ANO1: variants seen among roughly 807,000 people sequenced by gnomAD.
ANO1 encodes anoctamin 1, also known as anoctamin-1.
A neutral mutation model predicts 124.0 loss-of-function variants in ANO1; 59 were observed. The observed-to-expected ratio is 0.48, with a 90% CI of 0.39 to 0.59. ANO1 has a LOEUF of 0.59. ANO1 is among the 20% of genes least tolerant of loss of function. The pLI is 0.00. For missense variants in ANO1, 1,059 were observed against 1,328.0 expected (o/e 0.80, Z 3.15); for synonymous variants, 529 against 532.0 (o/e 0.99, Z 0.08).
intron 1 of ANO1, among the ~76,000 whole-genome samples, chr11:70,026,154 T>C (rs1156849755): frequency 1.3e-5 from 2 of 150,842 alleles, no homozygotes; most frequent in Admixed American, 6.6e-5. Flanking sequence ...ACAGTGATGA[T>C]GATGATGGTG....
intron 1 of ANO1, among the ~76,000 whole-genome samples, chr11:70,042,427 A>G (rs1367191604): frequency 2.0e-5 from 3 of 152,198 alleles, no homozygotes; most frequent in African/African-American, 7.2e-5. Flanking sequence ...CCAAAAAGTT[A>G]AAGTGTGTGA....
chr11:70,158,280 C>T (rs1280371430), intron 16 of ANO1, among the ~76,000 whole-genome samples: 2 of 152,204 alleles, frequency 1.3e-5, no homozygotes, highest in Non-Finnish European at 2.9e-5. Context: ...CCATCACCCC[C>T]CAAGTACTCG....
intron 10 of ANO1, among the ~76,000 whole-genome samples, chr11:70,126,828 C>T (rs2046534231): frequency 1.6e-5 from 2 of 128,764 alleles, no homozygotes; most frequent in African/African-American, 6.0e-5. Flanking sequence ...GGCTGGTGCT[C>T]CCAGGAGGTG....
At chr11:70,174,310 C>A (rs938745685) in intron 22 of ANO1, among the ~76,000 whole-genome samples, 1 of 151,246 alleles carries the variant, frequency 6.6e-6, no homozygotes, top group African/African-American at 2.4e-5. Context: ...GCAGGAGAAT[C>A]GCATGAACCC....
At chr11:70,100,282 C>T (rs928976346) in intron 2 of ANO1, among the ~76,000 whole-genome samples, 2 of 152,166 alleles carry the variant, frequency 1.3e-5, no homozygotes, top group East Asian at 1.9e-4. Flanking sequence ...CTGGAGCCTG[C>T]GAACGTGGCC....
At chr11:70,117,100 CTTTTTTTT>C (rs756764991) in intron 8 of ANO1, among the ~76,000 whole-genome samples, 7 of 61,530 alleles carry the variant, frequency 1.1e-4, no homozygotes, top group African/African-American at 3.8e-4. Flanking sequence ...TTGTTTCTTT[CTTTTTTTT>C]TTTTTTTTTT....
chr11:69,993,584 C>G (rs1856198486), intron 1 of ANO1, among the ~76,000 whole-genome samples: 1 of 152,178 alleles, frequency 6.6e-6, no homozygotes, highest in Non-Finnish European at 1.5e-5. Context: ...CAGATCTCCC[C>G]AGCCTCCATC....
chr11:70,150,861 A>C (rs938252935), intron 12 of ANO1, among the ~76,000 whole-genome samples: 4 of 152,180 alleles, frequency 2.6e-5, no homozygotes, highest in African/African-American at 9.7e-5. Flanking sequence ...CTTTAAAAAA[A>C]ATTTTTTTTA....
At chr11:70,062,920 T>C (rs1857625033) in intron 1 of ANO1, among the ~76,000 whole-genome samples, 1 of 152,004 alleles carries the variant, frequency 6.6e-6, no homozygotes, top group South Asian at 2.1e-4. Flanking sequence ...TTTGTTGTTG[T>C]TGTTGTTTGT....
chr11:70,163,138 T>C, intron 18 of ANO1, 145 bp from the exon 19 acceptor site: 1 of 755,514 alleles, frequency 1.3e-6, no homozygotes, highest in South Asian at 1.9e-5. Flanking sequence ...TTTTAGCAGA[T>C]GCACCAGGCA....
At chr11:70,032,543 G>C (rs552408273) in intron 1 of ANO1, among the ~76,000 whole-genome samples, 12 of 151,266 alleles carry the variant, frequency 7.9e-5, no homozygotes, top group African/African-American at 1.9e-4. Flanking sequence ...AGAGGGGGGG[G>C]GTCTCTGAAG....
rs187785199 is a variant in ANO1, at chr11:70,100,846, G to A, written c.442-2220G>A. Among the ~76,000 whole-genome samples the A allele has an allele frequency of 3.9e-5, 6 of 152,318 alleles. No individual in the cohort carries two copies. In the East Asian group the frequency reaches 1.2e-3, roughly 29 times the overall value. On this transcript the variant is annotated intron_variant, in intron 2 of 25. Coordinates refer to ENST00000355303, the MANE Select transcript of ANO1 (RefSeq NM_018043.7). Reference sequence around the variant, plus strand: ...TGTCAACATTACTATTACTATTACTGTATTATTGCCCTTCGTTCGTTCATT... The same window carrying A: ...TGTCAACATTACTATTACTATTACTATATTATTGCCCTTCGTTCGTTCATT...
intron 1 of ANO1, among the ~76,000 whole-genome samples, chr11:70,053,776 G>A (rs369061465): frequency 1.3e-5 from 2 of 152,226 alleles, no homozygotes; most frequent in East Asian, 3.9e-4. Flanking sequence ...TTCCTGAAAT[G>A]TCTAGAAAAT....
chr11:70,114,870 C>T (rs2045918668), intron 7 of ANO1, among the ~76,000 whole-genome samples: 1 of 152,170 alleles, frequency 6.6e-6, no homozygotes, highest in Non-Finnish European at 1.5e-5. Context: ...GTAAGAGTCA[C>T]ATGCTCCAAC....
chr11:70,039,299 T>G (rs1398724869), intron 1 of ANO1, among the ~76,000 whole-genome samples: 4 of 152,220 alleles, frequency 2.6e-5, no homozygotes, highest in Non-Finnish European at 5.9e-5. Flanking sequence ...GTACTGTTGC[T>G]TTCTTTGGAC....
chr11:70,029,930 C>G (rs1309212211), intron 1 of ANO1, among the ~76,000 whole-genome samples: 1 of 152,208 alleles, frequency 6.6e-6, no homozygotes, highest in African/African-American at 2.4e-5. Context: ...CTTATAAAAA[C>G]TCCACTCATT....
chr11:70,142,721 T>G (rs938879921), intron 11 of ANO1, among the ~76,000 whole-genome samples: 15 of 152,302 alleles, frequency 9.8e-5, no homozygotes, highest in African/African-American at 3.6e-4. Context: ...ACAACAGGCA[T>G]GCATTTCCCA....
intron 22 of ANO1, among the ~76,000 whole-genome samples, chr11:70,177,083 A>T (rs2048731986): frequency 6.6e-6 from 1 of 152,134 alleles, no homozygotes; most frequent in African/African-American, 2.4e-5. Context: ...TCCCCGCCTC[A>T]TCCCTCCCAT....
intron 1 of ANO1, among the ~76,000 whole-genome samples, chr11:70,007,703 G>A (rs1001720275): frequency 6.6e-6 from 1 of 152,132 alleles, no homozygotes; most frequent in African/African-American, 2.4e-5. Flanking sequence ...TTCCAATAAC[G>A]CTGCAACGAA....
Sources: gnomAD v4.1 joint callset for allele counts (sites outside exome capture counted in the v4.1 genomes callset) on GRCh38, gnomAD v4.1.1 for gene constraint, MANE v1.5 for transcripts, NCBI Gene and HGNC (gene_info 2026-07-23, HGNC 2026-07-21) for gene names.